ERCC6: variants seen among roughly 807,000 people sequenced by gnomAD.
ERCC6 encodes ERCC excision repair 6, chromatin remodeling factor.
ERCC6 carries 116 observed loss-of-function variants against 158.7 expected under a neutral mutation model. The observed-to-expected ratio is 0.73, with a 90% CI of 0.63 to 0.85. ERCC6 has a LOEUF of 0.85. ERCC6 is among the 40% of genes least tolerant of loss of function. ERCC6 has a pLI of 0.00. For missense variants in ERCC6, 1,698 were observed against 1,799.4 expected (o/e 0.94, Z 1.02); for synonymous variants, 678 against 659.3 (o/e 1.03, Z -0.43).
At chr10:49,471,217 C>T in intron 16 of ERCC6, 97 bp from the exon 17 acceptor site, 3 of 1,212,764 alleles carry the variant, frequency 2.5e-6, no homozygotes, top group Non-Finnish European at 3.6e-6. Context: ...ATAACAGCTG[C>T]TGCATGAATG....
chr10:49,451,718 C>T (rs890126444), downstream of ERCC6, among the ~76,000 whole-genome samples: 5 of 152,118 alleles, frequency 3.3e-5, no homozygotes, highest in Non-Finnish European at 7.4e-5. Context: ...TATTGGTCTG[C>T]AGTTTTCTTG....
downstream of ERCC6, among the ~76,000 whole-genome samples, chr10:49,453,592 A>T (rs1850444581): frequency 6.6e-6 from 1 of 152,158 alleles, no homozygotes; most frequent in East Asian, 1.9e-4. Flanking sequence ...GACTTTTATA[A>T]TTATATAATT....
intron 16 of ERCC6, 83 bp from the exon 17 acceptor site, chr10:49,471,203 G>A: frequency 7.3e-7 from 1 of 1,367,760 alleles, no homozygotes; most frequent in Non-Finnish European, 1.0e-6. Context: ...ATAAGAGAGA[G>A]ATGATAACAG....
intron 5 of ERCC6, among the ~76,000 whole-genome samples, chr10:49,522,253 G>A (rs547470831): frequency 5.3e-5 from 8 of 152,302 alleles, no homozygotes; most frequent in Admixed American, 3.9e-4. Context: ...TCAGCAATGA[G>A]TAACAAAATA....
chr10:49,513,522 T>G (rs1836861511), intron 5 of ERCC6, among the ~76,000 whole-genome samples: 1 of 152,136 alleles, frequency 6.6e-6, no homozygotes, highest in Admixed American at 6.5e-5. Flanking sequence ...CGAGACTGGG[T>G]AATTTATAAG....
chr10:49,438,754 A>G, the ERCC6 span, among the ~76,000 whole-genome samples: 1 of 152,210 alleles, frequency 6.6e-6, no homozygotes, highest in African/African-American at 2.4e-5. Flanking sequence ...CAAGCTAGTT[A>G]CTTCCTACAT....
Position 49,500,396 on chromosome 10 carries a change from T to C in ERCC6, c.1685+142A>G, listed in dbSNP as rs1851336648. The C allele has an allele frequency of 1.0e-5, 10 of 1,004,996 alleles. No individual in the cohort carries two copies. In the South Asian group the frequency reaches 1.2e-4, roughly 12 times the overall value. 62.3% of individuals were successfully genotyped at this position (1,004,996 alleles called of 1,614,324 possible). On this transcript the variant is annotated intron_variant, in intron 7 of 20. Coordinates refer to ENST00000355832, the MANE Select transcript of ERCC6 (RefSeq NM_000124.4). ...TCCATTGTCTCGTAAAATTTTTCCT[T>C]TGATGTCCCCCACTAAAAGAATTAA...
intron 8 of ERCC6, among the ~76,000 whole-genome samples, chr10:49,485,319 A>G (rs181694052): frequency 1.3e-5 from 2 of 152,342 alleles, no homozygotes; most frequent in African/African-American, 4.8e-5. Context: ...AAAGGCAGCC[A>G]AATCCAAAGC....
intron 1 of ERCC6, among the ~76,000 whole-genome samples, chr10:49,537,508 TACACACAC>T (rs36057162): frequency 4.0e-4 from 59 of 145,686 alleles, no homozygotes; most frequent in African/African-American, 1.3e-3. Context: ...TATATACACA[TACACACAC>T]ACACACACAC....
In ERCC6 at chr10:49,461,395, A is replaced by G; in HGVS notation, c.3940T>C (p.Trp1314Arg). Residue 1314 changes from tryptophan to arginine, a missense_variant, in exon 19 of 21, where the codon TGG (tryptophan) becomes CGG (arginine). Transcript: ENST00000355832. ...CCAGAAATCCCCCTGTGGCCAGTCCAGGTGGGAACACCAGACACTGCTCCC... is the reference window on the plus strand; with the variant it reads ...CCAGAAATCCCCCTGTGGCCAGTCCGGGTGGGAACACCAGACACTGCTCCC... ...CLGAVSGVPT[W>R]TGHRGISGAP... 1 of 1,613,976 alleles carries G rather than the reference A, an allele frequency of 6.2e-7. No homozygotes were observed. The highest frequency in any genetic ancestry group is 8.5e-7 in the Non-Finnish European group (1 of 1,180,026).
intron 12 of ERCC6, among the ~76,000 whole-genome samples, chr10:49,474,846 C>T (rs889166512): frequency 3.9e-5 from 6 of 152,088 alleles, no homozygotes; most frequent in African/African-American, 9.7e-5. Flanking sequence ...GTGAGTGCCC[C>T]GGCCCATCCC....
At chr10:49,482,623 T>C (rs1413138312) in intron 10 of ERCC6, 64 bp downstream of exon 10, 5 of 1,434,220 alleles carry the variant, frequency 3.5e-6, no homozygotes, top group South Asian at 1.2e-5. Flanking sequence ...CTACAAATTA[T>C]AGTATTTAAT....
downstream of ERCC6, among the ~76,000 whole-genome samples, chr10:49,450,130 A>G (rs1850404770): frequency 6.6e-6 from 1 of 152,168 alleles, no homozygotes; most frequent in Admixed American, 6.5e-5. Flanking sequence ...TTGCCTCCCA[A>G]AGTGCTAAGA....
chr10:49,483,881 G>C (rs1369883730), intron 8 of ERCC6, among the ~76,000 whole-genome samples: 1 of 152,044 alleles, frequency 6.6e-6, no homozygotes, highest in Admixed American at 6.5e-5. Context: ...AAGAAAATAA[G>C]AGAAAATCCA....
chr10:49,468,631 A>G (rs954830956), intron 18 of ERCC6, among the ~76,000 whole-genome samples: 4 of 152,224 alleles, frequency 2.6e-5, no homozygotes, highest in African/African-American at 7.2e-5. Flanking sequence ...ATGTATGTGT[A>G]TATGTATGTA....
At chr10:49,510,381 C>T (rs924056138) in intron 5 of ERCC6, among the ~76,000 whole-genome samples, 1 of 152,144 alleles carries the variant, frequency 6.6e-6, no homozygotes, top group Non-Finnish European at 1.5e-5. Context: ...CTCTGTGCAC[C>T]TGCATTCCTG....
At chr10:49,518,246 T>C (rs1035533879) in intron 5 of ERCC6, among the ~76,000 whole-genome samples, 1 of 152,218 alleles carries the variant, frequency 6.6e-6, no homozygotes, top group Non-Finnish European at 1.5e-5. Context: ...GACATTGGGT[T>C]GGAGTTGGCC....
intron 13 of ERCC6, 80 bp downstream of exon 13, chr10:49,473,947 T>G: frequency 7.8e-7 from 1 of 1,284,858 alleles, no homozygotes; most frequent in Non-Finnish European, 1.1e-6. Context: ...GAATCATTAC[T>G]TTAGATTGAA....
At chr10:49,522,489 T>C (rs1837193888) in intron 5 of ERCC6, among the ~76,000 whole-genome samples, 1 of 152,258 alleles carries the variant, frequency 6.6e-6, no homozygotes, top group Admixed American at 6.5e-5. Flanking sequence ...GATTTCACTG[T>C]AGCTTTAGCA....
Sources: gnomAD v4.1 joint callset for allele counts (sites outside exome capture counted in the v4.1 genomes callset) on GRCh38, gnomAD v4.1.1 for gene constraint, MANE v1.5 for transcripts, NCBI Gene and HGNC (gene_info 2026-07-23, HGNC 2026-07-21) for gene names.